DLL4: variants seen among roughly 807,000 people sequenced by gnomAD.
DLL4 encodes delta like canonical Notch ligand 4.
Under a neutral mutation model 73.6 loss-of-function variants are expected in DLL4, and 7 were observed. The observed-to-expected ratio is 0.10, with a 90% CI of 0.05 to 0.18. The LOEUF is 0.18. Among genes scored for constraint, DLL4 ranks in the 10% least tolerant of loss-of-function variants. DLL4 has a pLI of 1.00. For synonymous variants in DLL4, 345 were observed against 374.3 expected (o/e 0.92, Z 0.90); for missense variants, 614 against 929.9 (o/e 0.66, Z 4.42).
Position 40,936,267 on chromosome 15 carries a change from G to C in DLL4, c.1280G>C (p.Arg427Pro). Residue 427 changes from arginine to proline, a missense_variant, in exon 9 of 11, where the codon CGC (arginine) becomes CCC (proline). By Grantham distance (103) the Arg-to-Pro change is moderately radical. Around this residue, in one of 3 missense-constraint regions of DLL4, gnomAD observed 386 missense variants for 541.3 expected, o/e 0.71. Coordinates refer to ENST00000249749, the MANE Select transcript of DLL4 (RefSeq NM_019074.4). ...CLNRGPSRMC[R>P]CRPGFTGTYC... ...AACCGAGGTCCAAGCCGCATGTGCC[G>C]CTGCCGTCCTGGATTCACGGGCACC... 6.2e-7 allele frequency: 1 copy of C among 1,606,910 alleles called. No individual in the cohort carries two copies. The highest frequency in any genetic ancestry group is 8.5e-7 in the Non-Finnish European group (1 of 1,177,782).
At chr15:40,937,273 CT>C in intron 9 of DLL4, 144 bp from the exon 10 acceptor site, 1 of 683,162 alleles carries the variant, frequency 1.5e-6, no homozygotes, top group South Asian at 1.7e-5. Flanking sequence ...AAGTGCCCCC[CT>C]GCAGCAGCCC....
At chr15:40,933,165 G>A (rs928205860) in intron 6 of DLL4, among the ~76,000 whole-genome samples, 17 of 152,316 alleles carry the variant, frequency 1.1e-4, no homozygotes, top group African/African-American at 3.9e-4. Context: ...CAGAGACACC[G>A]GCGCAGGCCT....
chr15:40,933,081 T>C (rs995960563), intron 6 of DLL4, among the ~76,000 whole-genome samples: 2 of 152,204 alleles, frequency 1.3e-5, no homozygotes, highest in African/African-American at 4.8e-5. Context: ...GAAGCCTTTT[T>C]TCTTGCATCC....
At position 40,936,284 on chromosome 15, in the gene DLL4, A is replaced by G. The variant is rs1360290284; in HGVS notation, c.1297A>G (p.Thr433Ala). Residue 433 changes from threonine (T) to alanine (A), a missense_variant, in exon 9 of 11, where the codon ACG (threonine) becomes GCG (alanine). Thr to Ala is a moderately conservative substitution (Grantham distance 58). Coordinates refer to ENST00000249749, the MANE Select transcript of DLL4 (RefSeq NM_019074.4). ...CATGTGCCGCTGCCGTCCTGGATTC[A>G]CGGGCACCTACTGTGAACTCCACGT... is the stretch of plus-strand genomic sequence containing the variant. ...SRMCRCRPGF[T>A]GTYCELHVSD... The G allele has an allele frequency of 3.1e-6, 5 of 1,609,298 alleles. No individual in the cohort carries two copies. The African/African-American group carries it at 6.7e-5, about 21-fold the overall frequency.
rs998594731 is a variant in DLL4, at chr15:40,930,938, C to T, written c.394+256C>T. On this transcript the variant is annotated intron_variant, in intron 3 of 10. Transcript: ENST00000249749. The surrounding 1 kb of genome is among the most constrained non-coding windows in gnomAD (Gnocchi z 5.7). Reference sequence around the variant, plus strand: ...TGAGAAAGGCTGAAGCTGCCAGCGCCGCTGACGGGCCCCTTCCTGTATTTT... The same window carrying T: ...TGAGAAAGGCTGAAGCTGCCAGCGCTGCTGACGGGCCCCTTCCTGTATTTT... 4.3e-5 allele frequency: 25 copies of T among 575,412 alleles called. No individual in the cohort carries two copies. Among genetic ancestry groups the T allele is most frequent in the Non-Finnish European group, 7.4e-5 (24 of 323,298 alleles). The allele number at this position is 575,412 out of a possible 1,614,324, so 35.6% of individuals were successfully genotyped here.
chr15:40,932,602 C>T (rs1892785470), intron 6 of DLL4, among the ~76,000 whole-genome samples, 155 bp downstream of exon 6: 1 of 152,148 alleles, frequency 6.6e-6, no homozygotes, highest in Non-Finnish European at 1.5e-5. Flanking sequence ...AGGATCTTTA[C>T]AACTGGCCCA....
intron 10 of DLL4, 75 bp downstream of exon 10, chr15:40,937,601 C>A: frequency 9.0e-7 from 1 of 1,111,166 alleles, no homozygotes. Flanking sequence ...ACCCATGGGC[C>A]ATTCCTGAAG....
intron 4 of DLL4, 103 bp from the exon 5 acceptor site, chr15:40,932,068 G>C: frequency 7.3e-7 from 1 of 1,370,254 alleles, no homozygotes; most frequent in South Asian, 1.3e-5. Context: ...GGAGTAGGAA[G>C]AGGGCCCAGG....
chr15:40,929,688 G>T lies in DLL4; in HGVS notation c.20G>T (p.Ser7Ile). ...GAGGGGATGGCGGCAGCGTCCCGGA[G>T]CGCCTCTGGCTGGGCGCTACTGCTG... MAAASR[S>I]ASGWALLLLV... The change falls in exon 1 of 11, where the codon AGC becomes ATC. Residue 7 changes from serine (S) to isoleucine (I), a missense_variant. Around this residue, in one of 3 missense-constraint regions of DLL4, gnomAD observed 227 missense variants for 370.8 expected, o/e 0.61. Transcript: ENST00000249749. This position sits in a 1 kb window ranked among gnomAD's most constrained non-coding sequence, Gnocchi z 7.1. The T allele has an allele frequency of 6.4e-7, 1 of 1,567,038 alleles. No individual in the cohort carries two copies.
Position 40,930,599 on chromosome 15 carries a change from C to T in DLL4, c.337-26C>T. Reference sequence around the variant, plus strand: ...TCCCCGCTTGCTCATCTCGCCATCTCTCCGTCCCCCCACCCCCTTTCCCAG... The same window carrying T: ...TCCCCGCTTGCTCATCTCGCCATCTTTCCGTCCCCCCACCCCCTTTCCCAG... On this transcript the variant is annotated intron_variant, in intron 2 of 10. Transcript: ENST00000249749. The surrounding 1 kb of genome is among the most constrained non-coding windows in gnomAD (Gnocchi z 5.7). 1 of 1,611,900 alleles carries T rather than the reference C, an allele frequency of 6.2e-7. No individual in the cohort carries two copies. The highest frequency in any genetic ancestry group is 8.5e-7 in the Non-Finnish European group (1 of 1,178,538).
chr15:40,935,200 C>A, intron 8 of DLL4, 83 bp downstream of exon 8: 1 of 1,341,468 alleles, frequency 7.5e-7, no homozygotes, highest in Non-Finnish European at 1.0e-6. Flanking sequence ...AGGAGAGGAG[C>A]GAGGCATTGT....
chr15:40,929,771 C>T lies in DLL4; in HGVS notation c.66+37C>T. ...CGCGCCCTCTCCGTCCCCTCTGCCGCGCTCTGGGCCTCAGCCCCGGGCACC... is the reference window on the plus strand; with the variant it reads ...CGCGCCCTCTCCGTCCCCTCTGCCGTGCTCTGGGCCTCAGCCCCGGGCACC... On this transcript the variant is annotated intron_variant, in intron 1 of 10. Transcript: ENST00000249749. The surrounding 1 kb of genome is among the most constrained non-coding windows in gnomAD (Gnocchi z 7.1). 2 of 1,602,936 alleles carry T rather than the reference C, an allele frequency of 1.2e-6. No individual in the cohort carries two copies. The highest frequency in any genetic ancestry group is 1.7e-6 in the Non-Finnish European group (2 of 1,177,678).
chr15:40,929,778 G>C lies in DLL4; in HGVS notation c.66+44G>C, dbSNP rs775498713. 3 of 1,605,532 alleles carry C rather than the reference G, an allele frequency of 1.9e-6. No individual in the cohort carries two copies. ...TCTCCGTCCCCTCTGCCGCGCTCTG[G>C]GCCTCAGCCCCGGGCACCAGCTGAG... is the stretch of plus-strand genomic sequence containing the variant. On this transcript the variant is annotated intron_variant, in intron 1 of 10. Coordinates refer to ENST00000249749, the MANE Select transcript of DLL4 (RefSeq NM_019074.4). This position sits in a 1 kb window ranked among gnomAD's most constrained non-coding sequence, Gnocchi z 7.1.
chr15:40,929,903 C>T lies in DLL4; in HGVS notation c.123C>T (p.Arg41=), dbSNP rs1892738800. ...QLQLQEFINE[R]GVLASGRPCE... ...AGCTGCAGGAGTTCATCAACGAGCG[C>T]GGCGTACTGGCCAGTGGGCGGCCTT... Residue 41 remains arginine (R), a synonymous_variant, in exon 2 of 11, where the codon CGC becomes CGT. Coordinates refer to ENST00000249749, the MANE Select transcript of DLL4 (RefSeq NM_019074.4). The surrounding 1 kb of genome is among the most constrained non-coding windows in gnomAD (Gnocchi z 7.1). 6 of 1,612,872 alleles carry T rather than the reference C, an allele frequency of 3.7e-6. No homozygotes were observed. Among genetic ancestry groups the T allele is most frequent in the South Asian group, 1.1e-5 (1 of 91,080 alleles).
rs373071379 is a variant in DLL4 at position 40,934,124 on chromosome 15, G to T, written c.851-424G>T. Among the ~76,000 whole-genome samples, 15 of 151,690 alleles carry T rather than the reference G, an allele frequency of 9.9e-5. No individual in the cohort carries two copies. The South Asian group carries it at 2.3e-3, about 23-fold the overall frequency. ...AGGTAGGTGGATCACTTGAAGTCAG[G>T]AGTTCGAGACCATCCTGGCCATCCT... On this transcript the variant is annotated intron_variant, in intron 6 of 10. Coordinates refer to ENST00000249749, the MANE Select transcript of DLL4 (RefSeq NM_019074.4).
Position 40,931,766 on chromosome 15 carries a change from C to T in DLL4, c.658C>T (p.Pro220Ser), listed in dbSNP as rs760283132. The T allele has an allele frequency of 3.7e-6, 6 of 1,613,274 alleles. No homozygotes were observed. The highest frequency in any genetic ancestry group is 1.1e-5 in the South Asian group (1 of 91,054). Residue 220 changes from proline to serine, a missense_variant and splice_region_variant, in exon 4 of 11, where the codon CCT becomes TCT. By Grantham distance (74) the Pro-to-Ser change is moderately conservative. This residue lies in a region of DLL4 where 227 missense variants were observed against 370.8 expected (regional missense o/e 0.61). Coordinates refer to ENST00000249749, the MANE Select transcript of DLL4 (RefSeq NM_019074.4). Reference sequence around the variant, plus strand: ...TTGGACTGGGGAATATTGCCAACAGCGTAAGCAGTCAAGCTCCCACCTGTG... The same window carrying T: ...TTGGACTGGGGAATATTGCCAACAGTGTAAGCAGTCAAGCTCCCACCTGTG... Reference protein sequence around the residue: ...PGWTGEYCQQPICLSGCHEQN... With the variant: ...PGWTGEYCQQSICLSGCHEQN...
Position 40,929,769 on chromosome 15 carries a change from C to T in DLL4, c.66+35C>T, listed in dbSNP as rs759136630. The T allele has an allele frequency of 1.2e-6, 2 of 1,602,400 alleles. No individual in the cohort carries two copies. The highest frequency in any genetic ancestry group is 1.8e-4 in the Middle Eastern group (1 of 5,678). ...CCCGCGCCCTCTCCGTCCCCTCTGC[C>T]GCGCTCTGGGCCTCAGCCCCGGGCA... On this transcript the variant is annotated intron_variant, in intron 1 of 10. Coordinates refer to ENST00000249749, the MANE Select transcript of DLL4 (RefSeq NM_019074.4). The surrounding 1 kb of genome is among the most constrained non-coding windows in gnomAD (Gnocchi z 7.1).
Position 40,932,184 on chromosome 15 carries a change from G to C in DLL4, c.672G>C (p.Ser224=), listed in dbSNP as rs61757617. ...GEYCQQPICL[S]GCHEQNGYCS... is the part of the protein sequence containing the mutation. ...TTCTTCCCTTAGCTATCTGTCTTTC[G>C]GGCTGTCATGAACAGAATGGCTACT... Residue 224 remains serine (S), a synonymous_variant, in exon 5 of 11, where the codon TCG becomes TCC. Coordinates refer to ENST00000249749, the MANE Select transcript of DLL4 (RefSeq NM_019074.4). 6.2e-7 allele frequency: 1 copy of C among 1,613,958 alleles called. No individual in the cohort carries two copies. Among genetic ancestry groups the C allele is most frequent in the East Asian group, 2.2e-5 (1 of 44,880 alleles).
rs1892757290 is a variant in DLL4 at position 40,930,734 on chromosome 15, A to G, written c.394+52A>G. On this transcript the variant is annotated intron_variant, in intron 3 of 10. Coordinates refer to ENST00000249749, the MANE Select transcript of DLL4 (RefSeq NM_019074.4). The surrounding 1 kb of genome is among the most constrained non-coding windows in gnomAD (Gnocchi z 5.7). ...GGGGGCGACACGGCGCAGCGCCGAAAGAGTTAATCTGTTCTAGGCGGGGGA... is the reference window on the plus strand; with the variant it reads ...GGGGGCGACACGGCGCAGCGCCGAAGGAGTTAATCTGTTCTAGGCGGGGGA... 5 of 1,568,980 alleles carry G rather than the reference A, an allele frequency of 3.2e-6. No homozygotes were observed. Among genetic ancestry groups the G allele is most frequent in the Non-Finnish European group, 4.4e-6 (5 of 1,141,616 alleles).
Sources: allele counts gnomAD v4.1 joint callset (sites outside exome capture counted in the v4.1 genomes callset), GRCh38; gene constraint gnomAD v4.1.1; regional missense constraint gnomAD v4.1.1; non-coding constraint Gnocchi (gnomAD v3.1); transcripts MANE v1.5; gene names NCBI Gene and HGNC (gene_info 2026-07-23, HGNC 2026-07-21).